CRMP1: variants seen among roughly 807,000 people sequenced by gnomAD.
CRMP1 encodes the protein collapsin response mediator protein 1.
CRMP1 carries 19 observed loss-of-function variants against 68.3 expected under a neutral mutation model. The observed-to-expected ratio is 0.28, with a 90% CI of 0.19 to 0.41. The LOEUF (loss-of-function observed/expected upper bound fraction) is 0.41, where lower values mean the gene tolerates loss of function less well. Among genes scored for constraint, CRMP1 ranks in the 10% least tolerant of loss-of-function variants. The probability of loss-of-function intolerance (pLI) is 1.00; values close to 1 mark genes in which losing one functional copy is unlikely to be tolerated. For synonymous variants in CRMP1, 439 were observed against 399.6 expected (o/e 1.10, Z -1.18); for missense variants, 791 against 967.4 (o/e 0.82, Z 2.42).
In CRMP1 at chr4:5,854,983, T is replaced by C. The variant is rs989829603; in HGVS notation, c.820+1160A>G. Among the ~76,000 whole-genome samples, 1 of 152,122 alleles carries C rather than the reference T, an allele frequency of 6.6e-6. No homozygotes were observed. Among genetic ancestry groups the C allele is most frequent in the Non-Finnish European group, 1.5e-5 (1 of 68,018 alleles). ...TTTATAATAAAACGAATAGAAAGCA[T>C]AAATGCCCAATAAAAAGAAAATAGC... is the stretch of plus-strand genomic sequence containing the variant. On this transcript the variant is annotated intron_variant, in intron 4 of 13. Transcript: ENST00000324989. This position sits in a 1 kb window ranked among gnomAD's most constrained non-coding sequence, Gnocchi z 4.0.
At position 5,838,567 on chromosome 4, in the gene CRMP1, G is replaced by A. The variant is rs552387295; in HGVS notation, c.1310+955C>T. 9.0e-4 allele frequency among the ~76,000 whole-genome samples: 137 copies of A among 152,274 alleles called. No individual in the cohort carries two copies. Among genetic ancestry groups the A allele is most frequent in the Non-Finnish European group, 1.9e-3 (126 of 68,014 alleles). On this transcript the variant is annotated intron_variant, in intron 9 of 13. Coordinates refer to ENST00000324989, the MANE Select transcript of CRMP1 (RefSeq NM_001014809.3). The surrounding 1 kb of genome is among the most constrained non-coding windows in gnomAD (Gnocchi z 4.9). ...TGTCAGACTCTAGGGCCTCTGGTCC[G>A]TGTTCCTGACATTTTCTTAGATGGG...
chr4:5,887,417 G>A (rs746398599), intron 1 of CRMP1: 2 of 985,552 alleles, frequency 2.0e-6, no homozygotes, highest in Non-Finnish European at 2.4e-6. Context: ...CATCCCTCAG[G>A]AACAGTCAGG....
intron 1 of CRMP1, among the ~76,000 whole-genome samples, chr4:5,871,834 A>G (rs936404660): frequency 1.3e-5 from 2 of 152,206 alleles, no homozygotes; most frequent in Non-Finnish European, 2.9e-5. Context: ...GGTGTGGAAA[A>G]TCTGAAGGGA....
intron 1 of CRMP1, among the ~76,000 whole-genome samples, chr4:5,868,894 T>C (rs1383254875): frequency 6.6e-6 from 1 of 152,216 alleles, no homozygotes; most frequent in Non-Finnish European, 1.5e-5. Flanking sequence ...CCCCATTCTT[T>C]GCACGAAAAC....
intron 5 of CRMP1, among the ~76,000 whole-genome samples, chr4:5,849,793 A>C (rs1339708502): frequency 6.6e-6 from 1 of 152,180 alleles, no homozygotes; most frequent in African/African-American, 2.4e-5. Context: ...GGCTTTTTTG[A>C]AACACCTGTA....
chr4:5,892,483 C>T lies in CRMP1; in HGVS notation c.381+106G>A, dbSNP rs1455581284. 2.8e-6 allele frequency: 3 copies of T among 1,080,428 alleles called. No individual in the cohort carries two copies. The highest frequency in any genetic ancestry group is 4.6e-5 in the South Asian group (1 of 21,680). The allele number at this position is 1,080,428 out of a possible 1,614,324, so 66.9% of individuals were successfully genotyped here. A position where few individuals can be genotyped will look rare whatever the true frequency, so the allele number is the denominator to read the frequency against. On this transcript the variant is annotated intron_variant, in intron 1 of 13. Coordinates refer to ENST00000324989, the MANE Select transcript of CRMP1 (RefSeq NM_001014809.3). The surrounding 1 kb of genome is among the most constrained non-coding windows in gnomAD (Gnocchi z 8.6). Reference sequence around the variant, plus strand: ...GCCGTGGCTCTCCCCAGCCTGGCGGCCGCTGCCCCAACACCGGGGCCCGGG... The same window carrying T: ...GCCGTGGCTCTCCCCAGCCTGGCGGTCGCTGCCCCAACACCGGGGCCCGGG...
rs1222950296 is a variant in CRMP1 at position 5,841,877 on chromosome 4, C to T, written c.1033-449G>A. 2.6e-5 allele frequency among the ~76,000 whole-genome samples: 4 copies of T among 152,196 alleles called. No homozygotes were observed. Among genetic ancestry groups the T allele is most frequent in the Non-Finnish European group, 5.9e-5 (4 of 68,040 alleles). Reference sequence around the variant, plus strand: ...AGACTCGGTAATGACCTGATGAGGACATCAGAAAATGTCCTCAACTTGGCC... The same window carrying T: ...AGACTCGGTAATGACCTGATGAGGATATCAGAAAATGTCCTCAACTTGGCC... On this transcript the variant is annotated intron_variant, in intron 7 of 13. Coordinates refer to ENST00000324989, the MANE Select transcript of CRMP1 (RefSeq NM_001014809.3). This position sits in a 1 kb window ranked among gnomAD's most constrained non-coding sequence, Gnocchi z 6.9.
chr4:5,887,358 C>G, intron 1 of CRMP1: 1 of 985,648 alleles, frequency 1.0e-6, no homozygotes, highest in South Asian at 4.7e-5. Context: ...CCCAGAATCC[C>G]GCCTCCCGGC....
At position 5,841,434 on chromosome 4, in the gene CRMP1, C is replaced by T. The variant is rs1016430244; in HGVS notation, c.1033-6G>A. The T allele has an allele frequency of 1.8e-5, 29 of 1,613,796 alleles. No individual in the cohort carries two copies. Among genetic ancestry groups the T allele is most frequent in the Admixed American group, 5.0e-5 (3 of 60,004 alleles). ...AACACCGCCTCGGCCTCCAGCTGAA[C>T]ACGGCACACACAGTGTCACAGGAGG... On this transcript the variant is annotated splice_region_variant and splice_polypyrimidine_tract_variant and intron_variant, in intron 7 of 13. Transcript: ENST00000324989. This position sits in a 1 kb window ranked among gnomAD's most constrained non-coding sequence, Gnocchi z 6.9.
chr4:5,884,432 A>T (rs1302909749), intron 1 of CRMP1, among the ~76,000 whole-genome samples: 3 of 151,698 alleles, frequency 2.0e-5, no homozygotes, highest in Non-Finnish European at 4.4e-5. Context: ...CACCACAGAC[A>T]TACACTTACA....
rs760439892 is a variant in CRMP1 at position 5,843,214 on chromosome 4, A to G, written c.964-53T>C. 9.2e-5 allele frequency: 146 copies of G among 1,584,784 alleles called. 2 individuals are homozygous for G. The Middle Eastern group carries it at 2.5e-3, about 27-fold the overall frequency. On this transcript the variant is annotated intron_variant, in intron 6 of 13. Transcript: ENST00000324989. The surrounding 1 kb of genome is among the most constrained non-coding windows in gnomAD (Gnocchi z 4.1). ...GATTAGAGGGTGTCAGAGCTGGGAG[A>G]AGTGACTCCTCCAACCCCCTGGTTA...
In CRMP1 at chr4:5,891,690, A is replaced by C. The variant is rs1715956501; in HGVS notation, c.381+899T>G. On this transcript the variant is annotated intron_variant, in intron 1 of 13. Coordinates refer to ENST00000324989, the MANE Select transcript of CRMP1 (RefSeq NM_001014809.3). This position sits in a 1 kb window ranked among gnomAD's most constrained non-coding sequence, Gnocchi z 5.2. ...AGCTCCCCAGCCCTCGGATGCTCCA[A>C]CTTCCGTTTTTCTGGCACCTGACCC... Among the ~76,000 whole-genome samples the C allele has an allele frequency of 6.6e-6, 1 of 152,062 alleles. No homozygotes were observed. The highest frequency in any genetic ancestry group is 1.5e-5 in the Non-Finnish European group (1 of 68,004).
intron 3 of CRMP1, among the ~76,000 whole-genome samples, 174 bp from the exon 4 acceptor site, chr4:5,856,481 C>T (rs954253240): frequency 6.6e-6 from 1 of 151,462 alleles, no homozygotes; most frequent in Non-Finnish European, 1.5e-5. Flanking sequence ...ATTATCACCA[C>T]CACAATCATC....
At chr4:5,852,066 G>A (rs1450730597) in intron 4 of CRMP1, among the ~76,000 whole-genome samples, 1 of 152,238 alleles carries the variant, frequency 6.6e-6, no homozygotes, top group Non-Finnish European at 1.5e-5. Flanking sequence ...GGATAAGGAA[G>A]GGTGTGATGA....
rs1370530479 is a variant in CRMP1, at chr4:5,828,186, G to C, written c.1803+303C>G. On this transcript the variant is annotated intron_variant, in intron 12 of 13. Transcript: ENST00000324989. ...CCCGTGGGTGGGCAGGATTACTTAA[G>C]ATGACGCAGGACAGCGCCCAGAGCA... The C allele has an allele frequency of 4.1e-6, 4 of 985,300 alleles. No homozygotes were observed. In the African/African-American group the frequency reaches 7.0e-5, roughly 17 times the overall value. The allele number at this position is 985,300 out of a possible 1,614,324, so 61.0% of individuals were successfully genotyped here. A position where few individuals can be genotyped will look rare whatever the true frequency, so the allele number is the denominator to read the frequency against.
At chr4:5,887,975 G>A (rs1328527827) in intron 1 of CRMP1, among the ~76,000 whole-genome samples, 2 of 152,218 alleles carry the variant, frequency 1.3e-5, no homozygotes, top group East Asian at 3.9e-4. Context: ...GTGGGGGGAG[G>A]GGGCGGCAAG....
intron 1 of CRMP1, among the ~76,000 whole-genome samples, chr4:5,873,878 A>C (rs73797944): frequency 0.013 from 2,000 of 152,302 alleles, 47 homozygotes; most frequent in African/African-American, 0.045. Flanking sequence ...CCCCAGTGCC[A>C]TGTGTAAAGG....
In CRMP1 at chr4:5,888,681, T is replaced by C. The variant is rs911869955; in HGVS notation, c.381+3908A>G. The C allele has an allele frequency of 2.0e-4, 170 of 869,872 alleles. No individual in the cohort carries two copies. The highest frequency in any genetic ancestry group is 2.1e-4 in the Non-Finnish European group (160 of 746,040). The allele number at this position is 869,872 out of a possible 1,614,324, so 53.9% of individuals were successfully genotyped here. A position where few individuals can be genotyped will look rare whatever the true frequency, so the allele number is the denominator to read the frequency against. On this transcript the variant is annotated intron_variant, in intron 1 of 13. Transcript: ENST00000324989. The surrounding 1 kb of genome is among the most constrained non-coding windows in gnomAD (Gnocchi z 6.4). ...GACCCCCGCCCTGCGCACACGCCCT[T>C]GGCGGGCCCTGGCCTCGCTCTCGCG...
At chr4:5,831,936 A>G (rs1720409071) in intron 11 of CRMP1, among the ~76,000 whole-genome samples, 2 of 152,238 alleles carry the variant, frequency 1.3e-5, no homozygotes, top group Non-Finnish European at 2.9e-5. Context: ...GCAGCCACTC[A>G]AGCTCATGTG....
Sources: allele counts gnomAD v4.1 joint callset (sites outside exome capture counted in the v4.1 genomes callset), GRCh38; gene constraint gnomAD v4.1.1; non-coding constraint Gnocchi (gnomAD v3.1); transcripts MANE v1.5; gene names NCBI Gene and HGNC (gene_info 2026-07-23, HGNC 2026-07-21).